Variants in SEMA3C observed in about 807,000 individuals in gnomAD.
SEMA3C encodes the protein semaphorin-3C.
In SEMA3C, 47 loss-of-function variants were observed where a neutral mutation model predicts 89.4. That is an observed-to-expected ratio of 0.53 (90% CI 0.42 to 0.67). SEMA3C has a LOEUF of 0.67. SEMA3C is among the 30% of genes least tolerant of loss of function. SEMA3C has a pLI of 0.00. For missense variants in SEMA3C, 839 were observed against 929.1 expected, an observed-to-expected ratio of 0.90 and a Z score of 1.26; for synonymous variants, 310 against 320.2, an observed-to-expected ratio of 0.97 and a Z score of 0.34.
At chr7:80,819,089 G>C (rs1789682775) in intron 4 of SEMA3C, among the ~76,000 whole-genome samples, 1 of 152,046 alleles carries the variant, frequency 6.6e-6, no homozygotes, top group Non-Finnish European at 1.5e-5. Context: ...TTTTAATCTG[G>C]ACTAATTCTA....
chr7:80,800,990 T>G (rs1789193648), intron 9 of SEMA3C, among the ~76,000 whole-genome samples, 164 bp from the exon 10 acceptor site: 1 of 152,044 alleles, frequency 6.6e-6, no homozygotes, highest in South Asian at 2.1e-4. Flanking sequence ...AACACTAAAT[T>G]AAATTAAATT....
intron 15 of SEMA3C, among the ~76,000 whole-genome samples, chr7:80,753,394 C>T (rs1292851724): frequency 6.6e-6 from 1 of 152,138 alleles, no homozygotes; most frequent in African/African-American, 2.4e-5. Context: ...CAATATCATC[C>T]ACAATGGCTA....
At chr7:80,921,538 T>A (rs536393790), upstream of SEMA3C, among the ~76,000 whole-genome samples, 1 of 152,320 alleles carries the variant, frequency 6.6e-6, no homozygotes, top group Admixed American at 6.5e-5. Context: ...ACCACTTTTT[T>A]AAGACTTCAG....
chr7:80,870,701 T>G (rs1207701657), intron 2 of SEMA3C, among the ~76,000 whole-genome samples: 1 of 152,160 alleles, frequency 6.6e-6, no homozygotes, highest in Non-Finnish European at 1.5e-5. Flanking sequence ...TTATATAACA[T>G]TGAACCAAAA....
chr7:80,798,275 A>T (rs759089456), intron 10 of SEMA3C, 39 bp from the exon 11 acceptor site: 7 of 1,361,330 alleles, frequency 5.1e-6, no homozygotes, highest in Non-Finnish European at 6.7e-6. Context: ...TCAAATTTTT[A>T]AAATTAAAAT....
At chr7:80,749,546 A>G (rs964742252) in intron 16 of SEMA3C, among the ~76,000 whole-genome samples, 1 of 152,200 alleles carries the variant, frequency 6.6e-6, no homozygotes, top group Non-Finnish European at 1.5e-5. Flanking sequence ...GTAGTGGTTG[A>G]GAACACTGTC....
At chr7:80,806,416 C>A (rs1789343724) in intron 6 of SEMA3C, among the ~76,000 whole-genome samples, 1 of 152,070 alleles carries the variant, frequency 6.6e-6, no homozygotes, top group South Asian at 2.1e-4. Context: ...AAAATGTAAT[C>A]ACTAAAAGTA....
At chr7:80,849,999 C>A (rs1790475081) in intron 2 of SEMA3C, among the ~76,000 whole-genome samples, 1 of 151,982 alleles carries the variant, frequency 6.6e-6, no homozygotes, top group African/African-American at 2.4e-5. Context: ...AAATAAATGT[C>A]TTACAAGATA....
intron 17 of SEMA3C, 72 bp downstream of exon 17, chr7:80,748,826 C>A: frequency 6.9e-7 from 1 of 1,444,046 alleles, no homozygotes; most frequent in Non-Finnish European, 9.3e-7. Flanking sequence ...TTGATCTGAG[C>A]CTCGCTGAGG....
intron 2 of SEMA3C, among the ~76,000 whole-genome samples, chr7:80,884,929 A>C (rs1791436685): frequency 6.6e-6 from 1 of 152,242 alleles, no homozygotes; most frequent in Non-Finnish European, 1.5e-5. Context: ...CATTTTAAAA[A>C]TACAGATTAG....
intron 2 of SEMA3C, among the ~76,000 whole-genome samples, chr7:80,884,655 CGGCTTT>C: frequency 6.6e-6 from 1 of 152,278 alleles, no homozygotes; most frequent in East Asian, 1.9e-4. Context: ...ATACAAACAA[CGGCTTT>C]GTCTGCCATG....
chr7:80,810,484 C>A, intron 6 of SEMA3C, 127 bp downstream of exon 6: 1 of 624,932 alleles, frequency 1.6e-6, no homozygotes, highest in Non-Finnish European at 2.8e-6. Flanking sequence ...TCTCAGCTCA[C>A]AACTTTCTTC....
At chr7:80,866,886 G>C (rs1379527006) in intron 2 of SEMA3C, among the ~76,000 whole-genome samples, 1 of 152,138 alleles carries the variant, frequency 6.6e-6, no homozygotes, top group Non-Finnish European at 1.5e-5. Flanking sequence ...CTTAAAAACG[G>C]ACATATTTTC....
In SEMA3C at chr7:80,747,744, GT is replaced by G. The variant is rs1787833530; in HGVS notation, c.1842+1153del. 5.3e-5 allele frequency among the ~76,000 whole-genome samples: 8 copies of G among 152,222 alleles called. No homozygotes were observed. In the South Asian group the frequency reaches 1.7e-3, roughly 32 times the overall value. ...TTATTAAAATCTTTCTAAAAGTATT[GT>G]TAGCATCTTAGGCTTTAGAAGAATG... is the stretch of plus-strand genomic sequence containing the variant. On this transcript the variant is annotated intron_variant, in intron 17 of 17. Coordinates refer to ENST00000265361, the MANE Select transcript of SEMA3C (RefSeq NM_006379.5).
chr7:80,911,899 C>T (rs1373283967), intron 2 of SEMA3C, among the ~76,000 whole-genome samples: 1 of 152,096 alleles, frequency 6.6e-6, no homozygotes, highest in Non-Finnish European at 1.5e-5. Context: ...TCCCAAAGTG[C>T]TAGGATTACA....
intron 13 of SEMA3C, among the ~76,000 whole-genome samples, chr7:80,762,111 AAAAG>A (rs1788198533): frequency 6.6e-6 from 1 of 151,704 alleles, no homozygotes; most frequent in South Asian, 2.1e-4. Flanking sequence ...AAAAAAAAAA[AAAAG>A]AGTGGTAATT....
chr7:80,804,326 G>C, intron 7 of SEMA3C, 78 bp from the exon 8 acceptor site: 1 of 983,824 alleles, frequency 1.0e-6, no homozygotes, highest in Non-Finnish European at 1.4e-6. Flanking sequence ...ACCACAGGCA[G>C]ATGCCTTCCC....
In SEMA3C at chr7:80,805,536, C is replaced by T; in HGVS notation, c.658+103G>A. Reference sequence around the variant, plus strand: ...GAATTACCATTATTCATGTAATAGCCTGCTATTTTAGTTTTTAACCATTTT... The same window carrying T: ...GAATTACCATTATTCATGTAATAGCTTGCTATTTTAGTTTTTAACCATTTT... On this transcript the variant is annotated intron_variant, in intron 7 of 17. Coordinates refer to ENST00000265361, the MANE Select transcript of SEMA3C (RefSeq NM_006379.5). The T allele has an allele frequency of 4.3e-6, 4 of 921,824 alleles. No individual in the cohort carries two copies. In the South Asian group the frequency reaches 6.3e-5, roughly 15 times the overall value. The allele number at this position is 921,824 out of a possible 1,614,324, so 57.1% of individuals were successfully genotyped here.
intron 2 of SEMA3C, among the ~76,000 whole-genome samples, chr7:80,910,654 C>CTTTTT (rs777385675): frequency 1.5e-5 from 2 of 131,056 alleles, no homozygotes; most frequent in African/African-American, 2.7e-5. Context: ...AATGCTCGTT[C>CTTTTT]TTTTTTTTTT....
Sources: gnomAD v4.1 joint callset for allele counts (sites outside exome capture counted in the v4.1 genomes callset) on GRCh38, gnomAD v4.1.1 for gene constraint, MANE v1.5 for transcripts, NCBI Gene and HGNC (gene_info 2026-07-23, HGNC 2026-07-21) for gene names.